ATG7: variants seen among roughly 807,000 people sequenced by gnomAD.
ATG7 encodes the protein ubiquitin-like modifier-activating enzyme ATG7.
Under a neutral mutation model 82.4 loss-of-function variants are expected in ATG7, and 70 were observed. The ratio of observed to expected loss-of-function variants is 0.85; its 90% CI spans 0.70 to 1.04. ATG7 has a LOEUF of 1.04. ATG7 is among the 50% of genes least tolerant of loss of function. ATG7 has a pLI of 0.00. For synonymous variants in ATG7, 287 were observed against 313.0 expected (o/e 0.92, Z 0.88); for missense variants, 792 against 864.3 (o/e 0.92, Z 1.05).
chr3:11,337,388 G>C (rs1024756644), intron 11 of ATG7, among the ~76,000 whole-genome samples: 4 of 152,116 alleles, frequency 2.6e-5, no homozygotes, highest in African/African-American at 9.7e-5. Context: ...GGGAGGCGGA[G>C]GTTGCAGTGA....
intron 20 of ATG7, among the ~76,000 whole-genome samples, chr3:11,506,554 CAAAAAAAAA>C (rs754696496): frequency 8.0e-5 from 2 of 24,914 alleles, no homozygotes; most frequent in African/African-American, 1.7e-4. Flanking sequence ...CCCATCTCTA[CAAAAAAAAA>C]AAAAAAAAAA....
intron 20 of ATG7, among the ~76,000 whole-genome samples, chr3:11,433,029 C>T (rs906225955): frequency 6.6e-5 from 10 of 152,074 alleles, no homozygotes; most frequent in African/African-American, 2.4e-4. Flanking sequence ...CAGTGGCTTA[C>T]ACCTGAAATC....
chr3:11,305,336 T>A (rs887901289), intron 5 of ATG7, among the ~76,000 whole-genome samples: 1 of 152,168 alleles, frequency 6.6e-6, no homozygotes, highest in Admixed American at 6.5e-5. Flanking sequence ...GTTGCTTGAG[T>A]TCTTGGTATG....
chr3:11,420,735 C>A (rs1457786651), intron 19 of ATG7, among the ~76,000 whole-genome samples: 1 of 150,388 alleles, frequency 6.6e-6, no homozygotes. Flanking sequence ...ACATGCATAC[C>A]TTAAGTAATA....
At chr3:11,352,961 A>C (rs1668559159) in intron 14 of ATG7, among the ~76,000 whole-genome samples, 2 of 152,322 alleles carry the variant, frequency 1.3e-5, no homozygotes, top group Admixed American at 1.3e-4. Context: ...AACTGTGTTA[A>C]ATGCAGACTT....
intron 1 of ATG7, among the ~76,000 whole-genome samples, chr3:11,273,412 T>C (rs535986709): frequency 2.8e-4 from 42 of 152,326 alleles, no homozygotes; most frequent in Admixed American, 7.8e-4. Context: ...CTCGGTAATC[T>C]TAGCTCACTG....
At chr3:11,400,332 C>T (rs1481253159) in intron 19 of ATG7, among the ~76,000 whole-genome samples, 1 of 152,164 alleles carries the variant, frequency 6.6e-6, no homozygotes, top group Non-Finnish European at 1.5e-5. Context: ...ACTGTTCCCT[C>T]TTATGCTGAG....
chr3:11,369,351 A>G (rs2076844652), intron 18 of ATG7, among the ~76,000 whole-genome samples: 2 of 150,992 alleles, frequency 1.3e-5, no homozygotes, highest in African/African-American at 4.9e-5. Flanking sequence ...TATAGCAGAA[A>G]AAATGGGCAG....
At chr3:11,324,993 A>G (rs1950665680) in intron 9 of ATG7, among the ~76,000 whole-genome samples, 1 of 152,214 alleles carries the variant, frequency 6.6e-6, no homozygotes, top group African/African-American at 2.4e-5. Flanking sequence ...TATTTTTACT[A>G]TACCTTCTAT....
At chr3:11,334,570 T>C (rs1040049927) in intron 11 of ATG7, among the ~76,000 whole-genome samples, 6 of 151,986 alleles carry the variant, frequency 3.9e-5, no homozygotes, top group African/African-American at 1.4e-4. Context: ...GCTTGTTCCT[T>C]ATATCATCCT....
chr3:11,386,857 A>G (rs1340083156), intron 19 of ATG7, among the ~76,000 whole-genome samples: 1 of 152,206 alleles, frequency 6.6e-6, no homozygotes, highest in Non-Finnish European at 1.5e-5. Context: ...CCAAAAGGAG[A>G]TGGAATATAC....
intron 20 of ATG7, among the ~76,000 whole-genome samples, chr3:11,427,761 G>A (rs1225310170): frequency 6.6e-6 from 1 of 150,706 alleles, no homozygotes; most frequent in Non-Finnish European, 1.5e-5. Flanking sequence ...GTTGCAATGA[G>A]CCGAGATTGT....
intron 9 of ATG7, among the ~76,000 whole-genome samples, chr3:11,324,646 GA>G (rs1215363958): frequency 6.6e-6 from 1 of 151,954 alleles, no homozygotes; most frequent in East Asian, 1.9e-4. Flanking sequence ...CTCAAAAAAA[GA>G]TTTTTTTTTC....
At chr3:11,541,748 C>T (rs543041570) in intron 20 of ATG7, among the ~76,000 whole-genome samples, 6 of 152,302 alleles carry the variant, frequency 3.9e-5, no homozygotes, top group Admixed American at 3.3e-4. Flanking sequence ...CCCCAAAAGC[C>T]CTTTGAGGTA....
intron 19 of ATG7, among the ~76,000 whole-genome samples, chr3:11,380,798 G>A (rs1224292384): frequency 1.3e-5 from 2 of 152,134 alleles, no homozygotes. Flanking sequence ...ACAAAATAAT[G>A]TTGGTGACCA....
At chr3:11,493,407 A>G (rs1271858980) in intron 20 of ATG7, among the ~76,000 whole-genome samples, 1 of 152,196 alleles carries the variant, frequency 6.6e-6, no homozygotes, top group East Asian at 1.9e-4. Context: ...GTTTTGCAAA[A>G]GGCAACATTC....
At chr3:11,394,348 T>A (rs191729665) in intron 19 of ATG7, among the ~76,000 whole-genome samples, 1 of 152,220 alleles carries the variant, frequency 6.6e-6, no homozygotes, top group Non-Finnish European at 1.5e-5. Context: ...CTTACTGAAG[T>A]CACCTTAAGA....
At chr3:11,491,715 G>T (rs2153048250) in intron 20 of ATG7, among the ~76,000 whole-genome samples, 1 of 152,306 alleles carries the variant, frequency 6.6e-6, no homozygotes, top group Non-Finnish European at 1.5e-5. Context: ...CTGCAGGTCT[G>T]TTGGAGTTTG....
chr3:11,298,975 A>G (rs2152690598), intron 4 of ATG7, 120 bp downstream of exon 4: 2 of 1,111,300 alleles, frequency 1.8e-6, no homozygotes, highest in African/African-American at 3.2e-5. Context: ...GCTCTTCACT[A>G]GTTTCTATTT....
Sources: gnomAD v4.1 joint callset for allele counts (sites outside exome capture counted in the v4.1 genomes callset) on GRCh38, gnomAD v4.1.1 for gene constraint, MANE v1.5 for transcripts, NCBI Gene and HGNC (gene_info 2026-07-23, HGNC 2026-07-21) for gene names.